Variants in NRG2 observed in about 807,000 individuals in gnomAD.
NRG2 encodes pro-neuregulin-2, membrane-bound isoform.
A neutral mutation model predicts 73.9 loss-of-function variants in NRG2; 27 were observed. That is an observed-to-expected ratio of 0.37 (90% CI 0.27 to 0.50). The LOEUF is 0.50. NRG2 is among the 20% of genes least tolerant of loss of function. NRG2 has a pLI of 0.96. For synonymous variants in NRG2, 532 were observed against 541.0 expected (o/e 0.98, Z 0.23); for missense variants, 1,126 against 1,210.1 (o/e 0.93, Z 1.03).
chr5:139,847,915 C>A lies in NRG2; in HGVS notation c.*2G>T, dbSNP rs867982672. On this transcript the variant is annotated 3_prime_UTR_variant, in exon 10 of 10. Coordinates refer to ENST00000361474, the MANE Select transcript of NRG2 (RefSeq NM_004883.3). ...CGGGGCGGAGGGGCGCGCGGCGGGG[C>A]CCTAGAGTGGCGCCGAGTCCTGCTT... 1 of 1,479,786 alleles carries A rather than the reference C, an allele frequency of 6.8e-7. No individual in the cohort carries two copies. The highest frequency in any genetic ancestry group is 1.3e-5 in the South Asian group (1 of 77,130). The allele number at this position is 1,479,786 out of a possible 1,614,324, so 91.7% of individuals were successfully genotyped here.
At chr5:140,029,635 C>T (rs1271935710) in intron 1 of NRG2, among the ~76,000 whole-genome samples, 4 of 144,004 alleles carry the variant, frequency 2.8e-5, no homozygotes, top group African/African-American at 1.0e-4. Context: ...TTGCAGTGAG[C>T]TGAGATCGTA....
intron 1 of NRG2, among the ~76,000 whole-genome samples, chr5:139,910,214 C>A (rs1220635563): frequency 6.6e-6 from 1 of 152,186 alleles, no homozygotes; most frequent in African/African-American, 2.4e-5. Context: ...GCCTGTCTAC[C>A]AAGAATCTGG....
intron 1 of NRG2, among the ~76,000 whole-genome samples, chr5:139,931,102 T>C (rs551056845): frequency 1.2e-4 from 19 of 152,250 alleles, no homozygotes; most frequent in South Asian, 8.3e-4. Context: ...AGTTTCCTCA[T>C]ATGGAAAATG....
chr5:139,887,367 T>C lies in NRG2; in HGVS notation c.845A>G (p.Asp282Gly). 1 of 1,614,220 alleles carries C rather than the reference T, an allele frequency of 6.2e-7. No individual in the cohort carries two copies. Among genetic ancestry groups the C allele is most frequent in the Middle Eastern group, 1.6e-4 (1 of 6,062 alleles). ...GCCGTTGCCATATTTGATGCGAATG[T>C]CTCGGCTGCGGTTGAGCTCCTTGCC... ...KDGKELNRSR[D>G]IRIKYGNGRK... is the part of the protein sequence containing the mutation. The change falls in exon 2 of 10, where the codon GAC (aspartate) becomes GGC (glycine). Residue 282 changes from aspartate to glycine, a missense_variant. Asp to Gly is a moderately conservative substitution (Grantham distance 94). Transcript: ENST00000361474. The surrounding 1 kb of genome is among the most constrained non-coding windows in gnomAD (Gnocchi z 4.5).
intron 1 of NRG2, among the ~76,000 whole-genome samples, chr5:140,024,000 G>A (rs1249907656): frequency 6.6e-6 from 1 of 152,092 alleles, no homozygotes; most frequent in East Asian, 1.9e-4. Context: ...GGACCTCCAA[G>A]GACAAGCCAA....
chr5:139,861,700 T>C, intron 5 of NRG2: 1 of 514,272 alleles, frequency 1.9e-6, no homozygotes, highest in Non-Finnish European at 3.9e-6. Flanking sequence ...TCCACTCCTC[T>C]CCAGGGTGTC....
intron 1 of NRG2, among the ~76,000 whole-genome samples, chr5:139,943,920 G>A (rs1580787198): frequency 6.6e-6 from 1 of 152,062 alleles, no homozygotes; most frequent in African/African-American, 2.4e-5. Flanking sequence ...GCAAACAAAT[G>A]GCATGGCTAT....
intron 1 of NRG2, among the ~76,000 whole-genome samples, chr5:139,968,230 A>G (rs13154129): frequency 6.6e-6 from 1 of 152,052 alleles, no homozygotes; most frequent in Non-Finnish European, 1.5e-5. Context: ...CCCGGCTGAG[A>G]AGGGGTGAGA....
At chr5:139,860,797 C>G (rs751748388) in intron 5 of NRG2, among the ~76,000 whole-genome samples, 2 of 152,004 alleles carry the variant, frequency 1.3e-5, no homozygotes, top group South Asian at 4.2e-4. Context: ...ATAAAAGGAC[C>G]CTGACTCAAG....
intron 1 of NRG2, among the ~76,000 whole-genome samples, chr5:140,026,506 T>TG (rs1232910999): frequency 6.6e-6 from 1 of 151,592 alleles, no homozygotes; most frequent in East Asian, 1.9e-4. Flanking sequence ...GAGGCTGAGG[T>TG]GGGAGGATTG....
rs1761096525 is a variant in NRG2 at position 139,847,939 on chromosome 5, T to C, written c.2531A>G (p.Lys844Arg). ...RHSRGPPPRA[K>R]QDSAPL ...GCCCTAGAGTGGCGCCGAGTCCTGC[T>C]TGGCCCGCGGGGGCGGCCCGCGGCT... Residue 844 changes from lysine to arginine, a missense_variant, in exon 10 of 10, where the codon AAG becomes AGG. Lys to Arg is a conservative substitution (Grantham distance 26). Transcript: ENST00000361474. 2.0e-6 allele frequency: 3 copies of C among 1,499,060 alleles called. No individual in the cohort carries two copies. Among genetic ancestry groups the C allele is most frequent in the Admixed American group, 2.2e-5 (1 of 45,712 alleles). The allele number at this position is 1,499,060 out of a possible 1,614,324, so 92.9% of individuals were successfully genotyped here. A position where few individuals can be genotyped will look rare whatever the true frequency, so the allele number is the denominator to read the frequency against.
intron 1 of NRG2, among the ~76,000 whole-genome samples, chr5:139,948,325 C>T (rs1753948810): frequency 6.6e-6 from 1 of 152,246 alleles, no homozygotes. Flanking sequence ...AACCTCTTGG[C>T]TCCCACATAC....
intron 1 of NRG2, among the ~76,000 whole-genome samples, chr5:139,938,906 AAAG>A (rs1276853847): frequency 1.0e-3 from 5 of 4,800 alleles, no homozygotes; most frequent in African/African-American, 1.4e-3. Flanking sequence ...GAAAGAAAGA[AAAG>A]AAAGAAAGAA....
rs1196904007 is a variant in NRG2 at position 139,853,412 on chromosome 5, C to T, written c.1293-385G>A. Among the ~76,000 whole-genome samples the T allele has an allele frequency of 6.6e-6, 1 of 152,140 alleles. No individual in the cohort carries two copies. The highest frequency in any genetic ancestry group is 6.5e-5 in the Admixed American group (1 of 15,284). The stretch of plus-strand genomic sequence containing the variant: ...ACAGTGCTGACTCCCTCTCTCTCTC[C>T]CTCATTCATTAATTTGGTATGTATT... On this transcript the variant is annotated intron_variant, in intron 6 of 9. Coordinates refer to ENST00000361474, the MANE Select transcript of NRG2 (RefSeq NM_004883.3). The surrounding 1 kb of genome is among the most constrained non-coding windows in gnomAD (Gnocchi z 4.1).
At chr5:139,944,109 G>C (rs545114170) in intron 1 of NRG2, among the ~76,000 whole-genome samples, 1 of 151,844 alleles carries the variant, frequency 6.6e-6, no homozygotes, top group Non-Finnish European at 1.5e-5. Flanking sequence ...AAGGTGTCCA[G>C]ATTGGAATGG....
chr5:139,911,657 G>A (rs571365518), intron 1 of NRG2, among the ~76,000 whole-genome samples: 31 of 152,158 alleles, frequency 2.0e-4, no homozygotes, highest in Non-Finnish European at 3.8e-4. Context: ...GGGGTAAATA[G>A]CCCCATCTGC....
Position 140,008,992 on chromosome 5 carries a change from T to G in NRG2, c.700+33378A>C, listed in dbSNP as rs528185922. Among the ~76,000 whole-genome samples the G allele has an allele frequency of 1.3e-5, 2 of 152,176 alleles. No homozygotes were observed. The highest frequency in any genetic ancestry group is 4.8e-5 in the African/African-American group (2 of 41,452). On this transcript the variant is annotated intron_variant, in intron 1 of 9. Coordinates refer to ENST00000361474, the MANE Select transcript of NRG2 (RefSeq NM_004883.3). The surrounding 1 kb of genome is among the most constrained non-coding windows in gnomAD (Gnocchi z 4.2). ...ACAATTACACAGCAAAACAATGACA[T>G]AGCACTAGTGCATATTCAGTAACCA...
intron 1 of NRG2, among the ~76,000 whole-genome samples, chr5:139,889,277 G>A (rs55801304): frequency 0.012 from 1,881 of 152,170 alleles, 30 homozygotes; most frequent in African/African-American, 0.043. Context: ...ACTTATATGT[G>A]TATTTGTTTG....
At chr5:139,956,109 A>G (rs1006093801) in intron 1 of NRG2, among the ~76,000 whole-genome samples, 4 of 152,116 alleles carry the variant, frequency 2.6e-5, no homozygotes, top group Non-Finnish European at 5.9e-5. Flanking sequence ...CCAAGAAAGA[A>G]AATAAACAAA....
Sources: gnomAD v4.1 joint callset for allele counts (sites outside exome capture counted in the v4.1 genomes callset) on GRCh38, gnomAD v4.1.1 for gene constraint, Gnocchi (gnomAD v3.1) non-coding constraint, MANE v1.5 for transcripts, NCBI Gene and HGNC (gene_info 2026-07-23, HGNC 2026-07-21) for gene names.